CD109: variants seen among roughly 807,000 people sequenced by gnomAD.
CD109 encodes the protein CD109 antigen.
CD109 carries 149 observed loss-of-function variants against 165.8 expected under a neutral mutation model. The ratio of observed to expected loss-of-function variants is 0.90; its 90% CI spans 0.79 to 1.03. The LOEUF is 1.03. Ranked by LOEUF, CD109 falls within the 50% of genes least tolerant of loss-of-function variation. The pLI is 0.00. For missense variants in CD109, 1,712 were observed against 1,677.8 expected, an observed-to-expected ratio of 1.02 and a Z score of -0.36; for synonymous variants, 585 against 592.1, an observed-to-expected ratio of 0.99 and a Z score of 0.18.
At chr6:73,693,278 A>C (rs1398305726), upstream of CD109, among the ~76,000 whole-genome samples, 1 of 152,140 alleles carries the variant, frequency 6.6e-6, no homozygotes, top group East Asian at 1.9e-4. Flanking sequence ...AAGGGGAGCT[A>C]GTGTGCAGAG....
chr6:73,783,030 G>T (rs1413824285), intron 18 of CD109, among the ~76,000 whole-genome samples: 1 of 148,604 alleles, frequency 6.7e-6, no homozygotes, highest in African/African-American at 2.5e-5. Flanking sequence ...GAAGTCTCAT[G>T]ATTCTTGTTG....
rs1189118128 is a variant in CD109 at position 73,825,379 on chromosome 6, G to A, written c.*1746G>A. The A allele has an allele frequency of 6.6e-6, 1 of 152,140 alleles. No individual in the cohort carries two copies. The highest frequency in any genetic ancestry group is 1.5e-5 in the Non-Finnish European group (1 of 68,042). The allele number at this position is 152,140 out of a possible 1,614,324, so 9.4% of individuals were successfully genotyped here. A position where few individuals can be genotyped will look rare whatever the true frequency, so the allele number is the denominator to read the frequency against. On this transcript the variant is annotated 3_prime_UTR_variant, in exon 33 of 33. Transcript: ENST00000287097. ...GTAATGTTGGGGCCTCCTTGTAAAC[G>A]TGTTTTTGCCCTTTACTCTCTGGGA...
rs200081535 is a variant in CD109, at chr6:73,707,962, T to TTATATA, written c.247+10432_247+10437dup. Among the ~76,000 whole-genome samples the TTATATA allele has an allele frequency of 1.2e-3, 149 of 126,672 alleles. 2 individuals are homozygous for TTATATA. Among genetic ancestry groups the TTATATA allele is most frequent in the East Asian group, 2.8e-3 (13 of 4,566 alleles). The allele number at this position is 126,672 out of a possible 152,430, so 83.1% of individuals were successfully genotyped here. On this transcript the variant is annotated intron_variant, in intron 2 of 32. Transcript: ENST00000287097. ...GAACTTTGATTTAAAATTGTTATCT[T>TTATATA]TATATATATATATATATATATATAT...
chr6:73,783,843 G>A lies in CD109; in HGVS notation c.2223+19G>A, dbSNP rs764176263. On this transcript the variant is annotated intron_variant, in intron 19 of 32. Transcript: ENST00000287097. ...AGTGGAGGTATTGTATTAAAGAGCT[G>A]CTTATCAGTATTACGGTGACATTAA... 7.3e-7 allele frequency: 1 copy of A among 1,373,398 alleles called. No individual in the cohort carries two copies. Among genetic ancestry groups the A allele is most frequent in the Non-Finnish European group, 1.0e-6 (1 of 970,728 alleles). 85.1% of individuals were successfully genotyped at this position (1,373,398 alleles called of 1,614,324 possible).
intron 2 of CD109, among the ~76,000 whole-genome samples, chr6:73,711,932 A>C (rs987718921): frequency 1.3e-5 from 2 of 152,208 alleles, no homozygotes; most frequent in Admixed American, 6.5e-5. Flanking sequence ...CTGGGCTTTT[A>C]GTATAAACAT....
the CD109 span, among the ~76,000 whole-genome samples, chr6:73,687,149 A>G: frequency 6.6e-6 from 1 of 152,044 alleles, no homozygotes; most frequent in Non-Finnish European, 1.5e-5. Context: ...TCTAACATTA[A>G]TTTTACATTT....
chr6:73,795,804 G>T (rs73460396), intron 23 of CD109, among the ~76,000 whole-genome samples: 13 of 152,130 alleles, frequency 8.5e-5, no homozygotes, highest in South Asian at 4.2e-4. Flanking sequence ...CCAAGGCTTG[G>T]TTTTTTTACC....
intron 5 of CD109, among the ~76,000 whole-genome samples, chr6:73,752,534 T>C (rs1446514920): frequency 1.3e-5 from 2 of 152,234 alleles, no homozygotes; most frequent in African/African-American, 4.8e-5. Context: ...TAAGAATACC[T>C]GCTGACTCTT....
chr6:73,704,588 T>C (rs1455414179), intron 2 of CD109, among the ~76,000 whole-genome samples: 2 of 152,182 alleles, frequency 1.3e-5, no homozygotes, highest in East Asian at 3.8e-4. Context: ...CACTGAAGGA[T>C]TGTGGTGGAA....
chr6:73,713,954 C>T (rs540269991), intron 2 of CD109, among the ~76,000 whole-genome samples: 42 of 152,188 alleles, frequency 2.8e-4, no homozygotes, highest in Middle Eastern at 3.4e-3. Context: ...AATTTGCTGC[C>T]GGTGGGTGGT....
Position 73,762,975 on chromosome 6 carries a change from A to G in CD109, c.997+93A>G, listed in dbSNP as rs1056921070. The G allele has an allele frequency of 3.3e-5, 36 of 1,106,204 alleles. No homozygotes were observed. The Admixed American group carries it at 5.7e-4, about 17-fold the overall frequency. The allele number at this position is 1,106,204 out of a possible 1,614,324, so 68.5% of individuals were successfully genotyped here. A position where few individuals can be genotyped will look rare whatever the true frequency, so the allele number is the denominator to read the frequency against. On this transcript the variant is annotated intron_variant, in intron 9 of 32. Coordinates refer to ENST00000287097, the MANE Select transcript of CD109 (RefSeq NM_133493.5). ...ACTGGCACTTTCATTTGGGAGCATCATTGACTTTCTAAAGATGCTATTTAA... is the reference window on the plus strand; with the variant it reads ...ACTGGCACTTTCATTTGGGAGCATCGTTGACTTTCTAAAGATGCTATTTAA...
the CD109 span, among the ~76,000 whole-genome samples, chr6:73,682,370 A>G: frequency 6.6e-6 from 1 of 152,214 alleles, no homozygotes; most frequent in East Asian, 1.9e-4. Context: ...GGGCAGTCAA[A>G]TCTTAAAAGT....
chr6:73,714,986 C>T (rs1771670973), intron 2 of CD109, among the ~76,000 whole-genome samples: 1 of 152,212 alleles, frequency 6.6e-6, no homozygotes, highest in African/African-American at 2.4e-5. Flanking sequence ...AGGCTGGGTC[C>T]AGTGGCTCAC....
chr6:73,766,721 A>G, intron 11 of CD109, 38 bp from the exon 12 acceptor site: 1 of 1,434,454 alleles, frequency 7.0e-7, no homozygotes, highest in Non-Finnish European at 9.7e-7. Context: ...GGTGTTACTA[A>G]AGATGAACAT....
intron 25 of CD109, among the ~76,000 whole-genome samples, chr6:73,807,594 G>C (rs1775613723): frequency 6.6e-6 from 1 of 152,248 alleles, no homozygotes; most frequent in East Asian, 1.9e-4. Flanking sequence ...CTCCAGAGCT[G>C]TCCTGGTGAT....
At chr6:73,803,698 T>TGG in intron 24 of CD109, among the ~76,000 whole-genome samples, 1 of 151,932 alleles carries the variant, frequency 6.6e-6, no homozygotes, top group African/African-American at 2.4e-5. Flanking sequence ...TTTGTGTGTG[T>TGG]GTGTGTGTGT....
chr6:73,764,531 C>T (rs918632950), intron 10 of CD109, among the ~76,000 whole-genome samples: 4 of 152,170 alleles, frequency 2.6e-5, no homozygotes, highest in Non-Finnish European at 5.9e-5. Context: ...AAGGAGGAGT[C>T]AGGCCTGGCG....
chr6:73,819,558 A>ATAT (rs749702174), intron 31 of CD109, among the ~76,000 whole-genome samples: 8 of 152,228 alleles, frequency 5.3e-5, no homozygotes, highest in Non-Finnish European at 1.2e-4. Context: ...AATCAGAAAT[A>ATAT]TATTGCTGAA....
At chr6:73,714,312 C>G (rs748604672) in intron 2 of CD109, among the ~76,000 whole-genome samples, 4 of 152,188 alleles carry the variant, frequency 2.6e-5, no homozygotes, top group African/African-American at 4.8e-5. Flanking sequence ...TGGCCTCCCT[C>G]CTGGGGATGG....
Sources: gnomAD v4.1 joint callset for allele counts (sites outside exome capture counted in the v4.1 genomes callset) on GRCh38, gnomAD v4.1.1 for gene constraint, MANE v1.5 for transcripts, NCBI Gene and HGNC (gene_info 2026-07-23, HGNC 2026-07-21) for gene names.